The following AIRIM variants were observed in gnomAD, a reference collection of about 807,000 sequenced individuals.
AIRIM encodes the protein AFG2 interacting ribosome maturation factor.
the AIRIM span, chr1:37,684,068 G>A: frequency 6.6e-6 from 1 of 152,356 alleles, no homozygotes; most frequent in Non-Finnish European, 1.5e-5. Context: ...GTCATTCATT[G>A]GAGTCAGCTT....
At chr1:37,683,267 A>G in the AIRIM span, 1 of 1,612,990 alleles carries the variant, frequency 6.2e-7, no homozygotes, top group South Asian at 1.1e-5. Flanking sequence ...GAGGCGAGCC[A>G]CAGGGAGAGA....
the AIRIM span, chr1:37,690,576 C>T: frequency 1.1e-6 from 1 of 945,174 alleles, no homozygotes; most frequent in Non-Finnish European, 1.4e-6. Context: ...GCCTGCCTGG[C>T]TACTGAGTCG....
At chr1:37,688,066 T>C in the AIRIM span, among the ~76,000 whole-genome samples, 4 of 151,854 alleles carry the variant, frequency 2.6e-5, no homozygotes, top group Non-Finnish European at 5.9e-5. Flanking sequence ...TACTTTTCTC[T>C]CTTTTTTTGA....
At chr1:37,689,792 C>T in the AIRIM span, 12 of 1,613,014 alleles carry the variant, frequency 7.4e-6, no homozygotes, top group Non-Finnish European at 7.6e-6. Context: ...CCGCAGGGCA[C>T]TCTGCCACAG....
At chr1:37,690,725 CAGTTTA>C in the AIRIM span, among the ~76,000 whole-genome samples, 2 of 152,194 alleles carry the variant, frequency 1.3e-5, no homozygotes, top group African/African-American at 4.8e-5. Context: ...CAGCCTGCGG[CAGTTTA>C]AATTGGGTGG....
the AIRIM span, among the ~76,000 whole-genome samples, chr1:37,685,025 T>C: frequency 6.6e-6 from 1 of 151,828 alleles, no homozygotes; most frequent in Non-Finnish European, 1.5e-5. Context: ...GAGAGAAAAA[T>C]GTTAGAGCTT....
chr1:37,684,820 G>A, the AIRIM span, among the ~76,000 whole-genome samples: 7 of 152,116 alleles, frequency 4.6e-5, no homozygotes, highest in African/African-American at 1.7e-4. Flanking sequence ...TTATTCACAT[G>A]AAGGCAGAAA....
At chr1:37,684,685 T>C in the AIRIM span, among the ~76,000 whole-genome samples, 2 of 152,116 alleles carry the variant, frequency 1.3e-5, no homozygotes, top group African/African-American at 2.4e-5. Context: ...GGGGCTGAAT[T>C]TGAGGGCTAG....
At chr1:37,687,885 T>G in the AIRIM span, among the ~76,000 whole-genome samples, 1 of 151,654 alleles carries the variant, frequency 6.6e-6, no homozygotes, top group African/African-American at 2.4e-5. Context: ...ATCTTTTTTT[T>G]GTTTTGCTTT....
chr1:37,683,855 T>A, the AIRIM span: 44 of 171,164 alleles, frequency 2.6e-4, 1 homozygote, highest in Middle Eastern at 0.011. Flanking sequence ...AAAGCAAATC[T>A]TCCAGTCTGC....
the AIRIM span, chr1:37,683,012 G>C: frequency 4.3e-6 from 5 of 1,166,304 alleles, no homozygotes; most frequent in African/African-American, 1.5e-5. Flanking sequence ...TCAAGGCACT[G>C]ATGTTTCAAA....
chr1:37,685,577 G>A, the AIRIM span, among the ~76,000 whole-genome samples: 2 of 151,482 alleles, frequency 1.3e-5, no homozygotes, highest in African/African-American at 2.4e-5. Context: ...TTGTAGAGAC[G>A]GCGTTTCACC....
chr1:37,691,421 G>GT, the AIRIM span: 1 of 152,498 alleles, frequency 6.6e-6, no homozygotes, highest in Admixed American at 6.5e-5. Context: ...CGCATCCACA[G>GT]GTGAAAAGCA....
At chr1:37,689,439 C>G in the AIRIM span, 1 of 751,184 alleles carries the variant, frequency 1.3e-6, no homozygotes, top group Non-Finnish European at 2.1e-6. Context: ...CAGAAAATGG[C>G]TTTCTGACCG....
At chr1:37,683,715 G>C in the AIRIM span, 1 of 310,586 alleles carries the variant, frequency 3.2e-6, no homozygotes, top group South Asian at 4.4e-5. Context: ...GAACAAAAGG[G>C]ACATGAGAGG....
the AIRIM span, chr1:37,686,447 A>T: frequency 1.9e-6 from 3 of 1,612,638 alleles, no homozygotes; most frequent in Non-Finnish European, 2.5e-6. Context: ...CTTGAGGAGG[A>T]TGGCTCTGCA....
the AIRIM span, chr1:37,684,015 CCTAA>C: frequency 6.6e-6 from 1 of 152,322 alleles, no homozygotes; most frequent in African/African-American, 2.4e-5. Flanking sequence ...CAATTCTGAT[CCTAA>C]CTATCAGGAT....
the AIRIM span, chr1:37,690,173 C>T: frequency 2.6e-6 from 3 of 1,149,732 alleles, no homozygotes; most frequent in Non-Finnish European, 3.5e-6. Flanking sequence ...CCCGCCAACA[C>T]GCCTGGCTAA....
the AIRIM span, chr1:37,682,578 TG>T: frequency 6.5e-6 from 1 of 152,892 alleles, no homozygotes; most frequent in Non-Finnish European, 1.5e-5. Context: ...TGGCAGGTTC[TG>T]GAAATTGGCT....
Sources: allele counts gnomAD v4.1 joint callset (sites outside exome capture counted in the v4.1 genomes callset), GRCh38; gene constraint gnomAD v4.1.1; transcripts MANE v1.5; gene names NCBI Gene and HGNC (gene_info 2026-07-23, HGNC 2026-07-21).